PALLD: variants seen among roughly 807,000 people sequenced by gnomAD.
PALLD encodes palladin.
In PALLD, 61 loss-of-function variants were observed where a neutral mutation model predicts 123.5. The observed-to-expected ratio is 0.49, with a 90% CI of 0.40 to 0.61. The LOEUF (loss-of-function observed/expected upper bound fraction) is 0.61. Among genes scored for constraint, PALLD ranks in the 20% least tolerant of loss-of-function variants. The pLI is 0.00. For missense variants in PALLD, 1,273 were observed against 1,377.0 expected, an observed-to-expected ratio of 0.92 and a Z score of 1.20; for synonymous variants, 465 against 496.4, an observed-to-expected ratio of 0.94 and a Z score of 0.84.
At chr4:168,806,372 G>A (rs758749916) in intron 10 of PALLD, among the ~76,000 whole-genome samples, 26 of 152,138 alleles carry the variant, frequency 1.7e-4, no homozygotes, top group Non-Finnish European at 3.2e-4. Context: ...CCAAGATCTC[G>A]TTGTTTAAAA....
At chr4:168,790,548 G>T (rs1737369322) in intron 10 of PALLD, among the ~76,000 whole-genome samples, 1 of 151,800 alleles carries the variant, frequency 6.6e-6, no homozygotes, top group Non-Finnish European at 1.5e-5. Context: ...ATTTTTCCCT[G>T]CAGTTCATTG....
chr4:168,824,640 C>T (rs540854678), intron 10 of PALLD, among the ~76,000 whole-genome samples: 11 of 151,460 alleles, frequency 7.3e-5, no homozygotes, highest in Non-Finnish European at 1.5e-4. Flanking sequence ...TTTACATTTA[C>T]GACTATGGAA....
At chr4:168,561,174 C>T (rs377669662) in intron 2 of PALLD, among the ~76,000 whole-genome samples, 1 of 152,248 alleles carries the variant, frequency 6.6e-6, no homozygotes, top group East Asian at 1.9e-4. Flanking sequence ...GCCCAAATCA[C>T]CACCAAGACC....
Position 168,512,266 on chromosome 4 carries a change from C to T in PALLD, c.762C>T (p.Asn254=), listed in dbSNP as rs1282154606. Residue 254 remains asparagine (N), a synonymous_variant, in exon 2 of 22, where the codon AAC becomes AAT. Coordinates refer to ENST00000505667, the MANE Select transcript of PALLD (RefSeq NM_001166108.2). ...ACCAGGACTTGGCAGTGCCACACAACCGCAAGTCTCACCCACAGCCCCACA... is the reference window on the plus strand; with the variant it reads ...ACCAGGACTTGGCAGTGCCACACAATCGCAAGTCTCACCCACAGCCCCACA... ...QDNQDLAVPH[N]RKSHPQPHSA... is the part of the protein sequence containing the mutation. 1 of 1,614,160 alleles carries T rather than the reference C, an allele frequency of 6.2e-7. No individual in the cohort carries two copies. The highest frequency in any genetic ancestry group is 2.2e-5 in the East Asian group (1 of 44,878).
chr4:168,892,106 G>T (rs1754237216), intron 11 of PALLD, among the ~76,000 whole-genome samples: 1 of 152,064 alleles, frequency 6.6e-6, no homozygotes. Flanking sequence ...ATCAGTTTTT[G>T]TTTGTTTTTT....
intron 10 of PALLD, among the ~76,000 whole-genome samples, chr4:168,745,019 G>A (rs1788716333): frequency 6.6e-6 from 1 of 152,138 alleles, no homozygotes; most frequent in Non-Finnish European, 1.5e-5. Context: ...TATAGGCTTT[G>A]GGGTCAGGCA....
intron 2 of PALLD, among the ~76,000 whole-genome samples, chr4:168,629,157 C>T (rs1045262954): frequency 6.6e-6 from 1 of 151,918 alleles, no homozygotes; most frequent in Non-Finnish European, 1.5e-5. Flanking sequence ...GCTGGGATTA[C>T]AGGTGCCCGT....
At chr4:168,563,751 T>C (rs531599885) in intron 2 of PALLD, among the ~76,000 whole-genome samples, 4 of 152,322 alleles carry the variant, frequency 2.6e-5, no homozygotes, top group East Asian at 1.9e-4. Context: ...GAACAGGTAG[T>C]TCTCCATTAT....
In PALLD at chr4:168,550,023, A is replaced by G. The variant is rs527904937; in HGVS notation, c.908+37611A>G. ...ATCTTTGAGTAATCATTTTACAAAT[A>G]GAAAATAAATCTGAGTAATTTCTCC... On this transcript the variant is annotated intron_variant, in intron 2 of 21. Coordinates refer to ENST00000505667, the MANE Select transcript of PALLD (RefSeq NM_001166108.2). Among the ~76,000 whole-genome samples the G allele has an allele frequency of 6.6e-5, 10 of 152,366 alleles. No homozygotes were observed. In the East Asian group the frequency reaches 1.3e-3, roughly 21 times the overall value.
At position 168,511,524 on chromosome 4, in the gene PALLD, A is replaced by G; in HGVS notation, c.20A>G (p.His7Arg). MSGTSS[H>R]ESFYDSLSDM... ...TCAAATATGTCAGGGACCTCCTCCCATGAGTCCTTCTATGACTCCCTCTCA... is the reference window on the plus strand; with the variant it reads ...TCAAATATGTCAGGGACCTCCTCCCGTGAGTCCTTCTATGACTCCCTCTCA... The change falls in exon 2 of 22, where the codon CAT becomes CGT. Residue 7 changes from histidine to arginine, a missense_variant. His to Arg is a conservative substitution (Grantham distance 29). Coordinates refer to ENST00000505667, the MANE Select transcript of PALLD (RefSeq NM_001166108.2). The G allele has an allele frequency of 6.2e-7, 1 of 1,613,820 alleles. No individual in the cohort carries two copies. The highest frequency in any genetic ancestry group is 8.5e-7 in the Non-Finnish European group (1 of 1,179,724).
Position 168,668,280 on chromosome 4 carries a change from G to T in PALLD, c.999G>T (p.Glu333Asp), listed in dbSNP as rs144807771. The T allele has an allele frequency of 1.1e-4, 184 of 1,614,182 alleles. No individual in the cohort carries two copies. The Admixed American group carries it at 3.0e-3, about 27-fold the overall frequency. The change falls in exon 3 of 22, where the codon GAG becomes GAT. Residue 333 changes from glutamate to aspartate, a missense_variant. Physicochemically the swap from Glu to Asp is conservative, Grantham distance 45. Around this residue, in one of 2 missense-constraint regions of PALLD, gnomAD observed 944 missense variants for 954.5 expected, o/e 0.99. Coordinates refer to ENST00000505667, the MANE Select transcript of PALLD (RefSeq NM_001166108.2). Reference protein sequence around the residue: ...GGDLHTLIIAEAFEDDTGRYT... With the variant: ...GGDLHTLIIADAFEDDTGRYT... ...ACCTCCATACCCTGATCATAGCAGA[G>T]GCCTTTGAGGACGACACAGGTCGCT...
At position 168,878,220 on chromosome 4, in the gene PALLD, T is replaced by G. The variant is rs1560840468; in HGVS notation, c.1965-12702T>G. On this transcript the variant is annotated intron_variant, in intron 10 of 21. Coordinates refer to ENST00000505667, the MANE Select transcript of PALLD (RefSeq NM_001166108.2). ...TTCCCGGTGCCCGACGTGTTCCCACTGCCGCCGCCACCACCGCCGCTCCCG... is the reference window on the plus strand; with the variant it reads ...TTCCCGGTGCCCGACGTGTTCCCACGGCCGCCGCCACCACCGCCGCTCCCG... 2.0e-5 allele frequency: 27 copies of G among 1,374,928 alleles called. No homozygotes were observed. The highest frequency in any genetic ancestry group is 2.6e-5 in the Non-Finnish European group (27 of 1,050,636). 85.2% of individuals were successfully genotyped at this position (1,374,928 alleles called of 1,614,324 possible).
intron 2 of PALLD, among the ~76,000 whole-genome samples, chr4:168,592,700 C>T (rs1234087817): frequency 6.6e-6 from 1 of 151,408 alleles, no homozygotes; most frequent in Non-Finnish European, 1.5e-5. Context: ...CATATCATAT[C>T]TCTCCTATAG....
At chr4:168,565,109 T>C (rs1387477200) in intron 2 of PALLD, among the ~76,000 whole-genome samples, 1 of 151,618 alleles carries the variant, frequency 6.6e-6, no homozygotes, top group South Asian at 2.1e-4. Context: ...AGCAGATGGA[T>C]TGAACCCAGG....
chr4:168,890,722 C>T (rs968707990), intron 10 of PALLD, among the ~76,000 whole-genome samples, 200 bp from the exon 11 acceptor site: 1 of 152,136 alleles, frequency 6.6e-6, no homozygotes, highest in Non-Finnish European at 1.5e-5. Flanking sequence ...GTATGTGAAC[C>T]TTCTCTGAAA....
intron 10 of PALLD, among the ~76,000 whole-genome samples, chr4:168,848,351 C>T (rs947399366): frequency 3.3e-5 from 5 of 152,086 alleles, no homozygotes; most frequent in South Asian, 2.1e-4. Flanking sequence ...AGGTACTGAT[C>T]GTTGTTGTCA....
intron 10 of PALLD, among the ~76,000 whole-genome samples, chr4:168,791,237 C>A (rs187727755): frequency 1.6e-3 from 249 of 152,324 alleles, no homozygotes; most frequent in Non-Finnish European, 1.9e-3. Flanking sequence ...TGTCCCTCTG[C>A]AGAATAGTCC....
At chr4:168,654,985 TTG>T (rs10579101) in intron 2 of PALLD, among the ~76,000 whole-genome samples, 144,848 of 151,420 alleles carry the variant, frequency 0.96, 69,352 homozygotes, top group Non-Finnish European at 0.98. Context: ...ATATGGCTAC[TTG>T]TGTGTGTGTG....
intron 10 of PALLD, among the ~76,000 whole-genome samples, chr4:168,762,399 G>C (rs978490781): frequency 1.4e-4 from 21 of 152,152 alleles, no homozygotes; most frequent in African/African-American, 4.8e-4. Flanking sequence ...CCTGAGCCTG[G>C]GAGGTTGAGG....
Sources: allele counts gnomAD v4.1 joint callset (sites outside exome capture counted in the v4.1 genomes callset), GRCh38; gene constraint gnomAD v4.1.1; regional missense constraint gnomAD v4.1.1; transcripts MANE v1.5; gene names NCBI Gene and HGNC (gene_info 2026-07-23, HGNC 2026-07-21).